Variants in ANKRD11 observed in about 807,000 individuals in gnomAD.
ANKRD11 encodes the protein ankyrin repeat domain 11.
A neutral mutation model predicts 195.7 loss-of-function variants in ANKRD11; 17 were observed. The ratio of observed to expected loss-of-function variants is 0.09; its 90% CI spans 0.06 to 0.13. ANKRD11 has a LOEUF of 0.13. ANKRD11 is among the 10% of genes least tolerant of loss of function. The pLI is 1.00. For synonymous variants in ANKRD11, 1,953 were observed against 1,528.1 expected (o/e 1.28, Z -6.49); for missense variants, 3,735 against 3,566.1 (o/e 1.05, Z -1.21).
At position 89,281,589 on chromosome 16, in the gene ANKRD11, G is replaced by A. The variant is rs991212298; in HGVS notation, c.4953C>T (p.Asp1651=). Residue 1651 remains aspartate (D), a synonymous_variant, in exon 9 of 13, where the codon GAC becomes GAT. Coordinates refer to ENST00000301030, the MANE Select transcript of ANKRD11 (RefSeq NM_013275.6). This position sits in a 1 kb window ranked among gnomAD's most constrained non-coding sequence, Gnocchi z 5.5. ...TAGGAGTCGACTCTTTGAGCTTTTT[G>A]TCTTTAAATGGAGGGTCCAGCCCCG... ...KPPGLDPPFK[D]KKLKESTPIP... 2.5e-6 allele frequency: 4 copies of A among 1,614,170 alleles called. No homozygotes were observed. Among genetic ancestry groups the A allele is most frequent in the Non-Finnish European group, 3.4e-6 (4 of 1,180,022 alleles).
chr16:89,438,602 G>A (rs938675626), intron 1 of ANKRD11, among the ~76,000 whole-genome samples: 1 of 151,930 alleles, frequency 6.6e-6, no homozygotes, highest in African/African-American at 2.4e-5. Context: ...CAAAGTGCTG[G>A]GATTACAGGT....
intron 1 of ANKRD11, among the ~76,000 whole-genome samples, chr16:89,470,145 A>C: frequency 6.6e-6 from 1 of 151,828 alleles, no homozygotes; most frequent in Non-Finnish European, 1.5e-5. Flanking sequence ...TGAACTTGTG[A>C]TCTGCCTGCC....
At position 89,288,461 on chromosome 16, in the gene ANKRD11, A is replaced by G. The variant is rs558662379; in HGVS notation, c.744+67T>C. 8.8e-4 allele frequency: 1,412 copies of G among 1,611,872 alleles called. 2 individuals are homozygous for G. The highest frequency in any genetic ancestry group is 1.1e-3 in the Non-Finnish European group (1,329 of 1,178,914). On this transcript the variant is annotated intron_variant, in intron 7 of 12. Coordinates refer to ENST00000301030, the MANE Select transcript of ANKRD11 (RefSeq NM_013275.6). ...TCATGGAACCGGCTAGCTACGGGGAAACAAAGCTACAGAACCACCCAGATG... is the reference window on the plus strand; with the variant it reads ...TCATGGAACCGGCTAGCTACGGGGAGACAAAGCTACAGAACCACCCAGATG...
chr16:89,334,144 T>TAAAAAAAAAAAAAAAAAAAAAAAAA (rs869142504), intron 2 of ANKRD11, among the ~76,000 whole-genome samples: 3 of 41,410 alleles, frequency 7.2e-5, no homozygotes, highest in Admixed American at 2.7e-4. Flanking sequence ...CCCTGTGTTT[T>TAAAAAAAAAAAAAAAAAAAAAAAAA]AAAAAAAAAA....
chr16:89,275,007 C>G, intron 10 of ANKRD11, 50 bp from the exon 11 acceptor site: 1 of 1,612,874 alleles, frequency 6.2e-7, no homozygotes, highest in Non-Finnish European at 8.5e-7. Flanking sequence ...ACGCTCCAGG[C>G]CCCACTGTCA....
At chr16:89,480,646 C>G (rs12443705) in intron 1 of ANKRD11, among the ~76,000 whole-genome samples, 73,487 of 151,894 alleles carry the variant, frequency 0.48, 18,286 homozygotes, top group East Asian at 0.67. Flanking sequence ...TTTCTATACT[C>G]CTTCTAGCAG....
rs867255024 is a variant in ANKRD11, at chr16:89,290,840, G to A, written c.398-12C>T. On this transcript the variant is annotated splice_polypyrimidine_tract_variant and intron_variant, in intron 5 of 12. Transcript: ENST00000301030. The stretch of plus-strand genomic sequence containing the variant: ...TGGTGTTGTGTCCACTGCAGGCCAA[G>A]GAGGGGACAGATGGGCATTACTGTG... 6.2e-7 allele frequency: 1 copy of A among 1,613,222 alleles called. No homozygotes were observed. The highest frequency in any genetic ancestry group is 8.5e-7 in the Non-Finnish European group (1 of 1,179,984).
At chr16:89,436,691 ACT>A (rs1324224486) in intron 1 of ANKRD11, among the ~76,000 whole-genome samples, 8 of 152,236 alleles carry the variant, frequency 5.3e-5, no homozygotes, top group Admixed American at 5.2e-4. Flanking sequence ...ATAAAAAGTA[ACT>A]CTCAACACTG....
intron 2 of ANKRD11, among the ~76,000 whole-genome samples, chr16:89,414,310 T>C (rs2042211482): frequency 6.6e-6 from 1 of 152,082 alleles, no homozygotes; most frequent in African/African-American, 2.4e-5. Context: ...AATTTGAAAG[T>C]CCCATTTCAC....
At chr16:89,288,996 G>A (rs952089453) in intron 6 of ANKRD11, 19 of 441,980 alleles carry the variant, frequency 4.3e-5, no homozygotes, top group African/African-American at 8.0e-5. Flanking sequence ...CATCCTCACC[G>A]ATCTGGAGGC....
At chr16:89,375,244 C>T (rs940543989) in intron 2 of ANKRD11, among the ~76,000 whole-genome samples, 1 of 152,072 alleles carries the variant, frequency 6.6e-6, no homozygotes, top group African/African-American at 2.4e-5. Flanking sequence ...TAATCGTCTC[C>T]GCGTGAGCAG....
chr16:89,415,413 T>C (rs779544630), intron 2 of ANKRD11, among the ~76,000 whole-genome samples: 2 of 150,868 alleles, frequency 1.3e-5, no homozygotes, highest in African/African-American at 2.5e-5. Context: ...TACAGGCGCC[T>C]GCCACCATGC....
chr16:89,463,684 A>T (rs961524752), intron 1 of ANKRD11, among the ~76,000 whole-genome samples: 75 of 142,770 alleles, frequency 5.3e-4, no homozygotes, highest in East Asian at 8.2e-4. Flanking sequence ...TAAATAAATT[A>T]AAAAAAAAAA....
chr16:89,418,811 C>A (rs967610413), intron 1 of ANKRD11, among the ~76,000 whole-genome samples: 36 of 151,126 alleles, frequency 2.4e-4, no homozygotes, highest in Non-Finnish European at 4.7e-4. Flanking sequence ...GTCCCCCAGG[C>A]TGGAGTGCAG....
intron 2 of ANKRD11, among the ~76,000 whole-genome samples, chr16:89,355,774 A>G (rs968840831): frequency 6.6e-6 from 1 of 152,244 alleles, no homozygotes; most frequent in African/African-American, 2.4e-5. Flanking sequence ...GCAGCCTGAC[A>G]ATCGCATCTG....
At chr16:89,382,202 T>C (rs2040688713) in intron 2 of ANKRD11, among the ~76,000 whole-genome samples, 1 of 151,952 alleles carries the variant, frequency 6.6e-6, no homozygotes, top group African/African-American at 2.4e-5. Context: ...ACCCATCAAA[T>C]GGATTTAAGG....
intron 2 of ANKRD11, among the ~76,000 whole-genome samples, chr16:89,408,232 GCT>G (rs2041985896): frequency 6.6e-6 from 1 of 152,234 alleles, no homozygotes; most frequent in Admixed American, 6.5e-5. Flanking sequence ...TCACACCAGC[GCT>G]GTTCCCTCAG....
At chr16:89,434,035 T>C (rs2043109729) in intron 1 of ANKRD11, among the ~76,000 whole-genome samples, 1 of 152,150 alleles carries the variant, frequency 6.6e-6, no homozygotes, top group Non-Finnish European at 1.5e-5. Context: ...GCCCCTAGTG[T>C]GTCACCTACA....
chr16:89,376,314 C>A (rs895981395), intron 2 of ANKRD11, among the ~76,000 whole-genome samples: 1 of 152,164 alleles, frequency 6.6e-6, no homozygotes, highest in African/African-American at 2.4e-5. Context: ...AGTTTTAGAA[C>A]GTTTGGCTTT....
Sources: allele counts gnomAD v4.1 joint callset (sites outside exome capture counted in the v4.1 genomes callset), GRCh38; gene constraint gnomAD v4.1.1; non-coding constraint Gnocchi (gnomAD v3.1); transcripts MANE v1.5; gene names NCBI Gene and HGNC (gene_info 2026-07-23, HGNC 2026-07-21).